The following RBPMS variants were observed in gnomAD, a reference collection of about 807,000 sequenced individuals.
The protein encoded by RBPMS is RNA-binding protein with multiple splicing.
In RBPMS, 7 loss-of-function variants were observed where a neutral mutation model predicts 26.8. The observed-to-expected ratio is 0.26, with a 90% CI of 0.15 to 0.49. RBPMS has a LOEUF of 0.49. Among genes scored for constraint, RBPMS ranks in the 20% least tolerant of loss-of-function variants. RBPMS has a pLI of 0.98. For missense variants in RBPMS, 186 were observed against 250.0 expected, an observed-to-expected ratio of 0.74 and a Z score of 1.73; for synonymous variants, 96 against 93.3, an observed-to-expected ratio of 1.03 and a Z score of -0.17.
intron 1 of RBPMS, among the ~76,000 whole-genome samples, chr8:30,450,914 CAGAT>C (rs1057090096): frequency 5.3e-5 from 8 of 151,378 alleles, no homozygotes; most frequent in African/African-American, 1.9e-4. Context: ...TGATGAAAGG[CAGAT>C]ATATATCTGG....
At chr8:30,485,898 C>T (rs1291308341) in intron 4 of RBPMS, among the ~76,000 whole-genome samples, 2 of 152,254 alleles carry the variant, frequency 1.3e-5, no homozygotes, top group East Asian at 3.9e-4. Flanking sequence ...TATAAAACCT[C>T]CCTACGATTA....
intron 6 of RBPMS, among the ~76,000 whole-genome samples, chr8:30,546,871 T>C (rs574950882): frequency 6.6e-6 from 1 of 152,294 alleles, no homozygotes; most frequent in African/African-American, 2.4e-5. Flanking sequence ...TGGAGGGAGT[T>C]ACCCACAATC....
chr8:30,484,212 T>A (rs772684933), intron 4 of RBPMS, among the ~76,000 whole-genome samples: 6 of 152,220 alleles, frequency 3.9e-5, no homozygotes, highest in Non-Finnish European at 7.3e-5. Context: ...TGTTCCTGTT[T>A]GTAAAATTAT....
At chr8:30,529,395 G>T (rs6999866) in intron 5 of RBPMS, among the ~76,000 whole-genome samples, 15 of 151,638 alleles carry the variant, frequency 9.9e-5, no homozygotes, top group Non-Finnish European at 2.2e-4. Flanking sequence ...CCAGCTACTC[G>T]GGAGACTGAG....
chr8:30,521,682 C>T (rs763924901), intron 5 of RBPMS, among the ~76,000 whole-genome samples: 4 of 150,868 alleles, frequency 2.7e-5, no homozygotes, highest in Middle Eastern at 3.4e-3. Flanking sequence ...TTGTTGCAAA[C>T]GGTAGGATCC....
At chr8:30,549,348 C>G in intron 6 of RBPMS, 2 of 674,132 alleles carry the variant, frequency 3.0e-6, no homozygotes, top group Non-Finnish European at 5.4e-6. Flanking sequence ...CTGTCTGCTC[C>G]AGAGCTGTGG....
chr8:30,538,015 T>A (rs1466231393), intron 5 of RBPMS, among the ~76,000 whole-genome samples: 1 of 152,200 alleles, frequency 6.6e-6, no homozygotes, highest in African/African-American at 2.4e-5. Flanking sequence ...GGTGTTTACA[T>A]TGGAGTAGAA....
At chr8:30,409,598 C>T (rs1052839593) in intron 1 of RBPMS, among the ~76,000 whole-genome samples, 26 of 152,144 alleles carry the variant, frequency 1.7e-4, no homozygotes, top group African/African-American at 6.0e-4. Context: ...ACTGACTTAG[C>T]ACAGTGAATA....
chr8:30,387,975 T>C (rs1018428194), intron 1 of RBPMS, among the ~76,000 whole-genome samples: 1 of 147,836 alleles, frequency 6.8e-6, no homozygotes, highest in African/African-American at 2.7e-5. Flanking sequence ...GTATTAATAC[T>C]TCTACTTTGG....
At chr8:30,444,044 G>T (rs1329835868) in intron 1 of RBPMS, among the ~76,000 whole-genome samples, 1 of 152,126 alleles carries the variant, frequency 6.6e-6, no homozygotes, top group African/African-American at 2.4e-5. Flanking sequence ...CTACAGGGGG[G>T]CACCACCATG....
At chr8:30,527,937 A>G (rs1448885858) in intron 5 of RBPMS, among the ~76,000 whole-genome samples, 1 of 152,204 alleles carries the variant, frequency 6.6e-6, no homozygotes, top group East Asian at 1.9e-4. Context: ...GCACTTCGGG[A>G]AGCCAAGGCG....
At chr8:30,453,453 A>T (rs1294577546) in intron 1 of RBPMS, among the ~76,000 whole-genome samples, 2 of 151,996 alleles carry the variant, frequency 1.3e-5, no homozygotes, top group African/African-American at 2.4e-5. Flanking sequence ...CTACTTTTCT[A>T]AAAAAAAGAA....
At chr8:30,509,210 T>C (rs1821345043) in intron 5 of RBPMS, among the ~76,000 whole-genome samples, 1 of 152,214 alleles carries the variant, frequency 6.6e-6, no homozygotes, top group Non-Finnish European at 1.5e-5. Flanking sequence ...CTTCCTACTT[T>C]CATATTCTTC....
intron 3 of RBPMS, among the ~76,000 whole-genome samples, chr8:30,478,449 A>G (rs1252723659): frequency 2.6e-5 from 4 of 152,178 alleles, no homozygotes; most frequent in African/African-American, 9.7e-5. Flanking sequence ...AGGGAGTCCA[A>G]AGGGATTATG....
chr8:30,461,383 C>T (rs1815875292), intron 1 of RBPMS, among the ~76,000 whole-genome samples: 2 of 152,068 alleles, frequency 1.3e-5, no homozygotes, highest in South Asian at 4.1e-4. Flanking sequence ...TGTAGTTTCA[C>T]ATACAGTGTG....
At chr8:30,460,103 G>C (rs1365983789) in intron 1 of RBPMS, among the ~76,000 whole-genome samples, 1 of 152,208 alleles carries the variant, frequency 6.6e-6, no homozygotes, top group Non-Finnish European at 1.5e-5. Context: ...TATGTCTTTG[G>C]TGGAGAGTAC....
At chr8:30,442,277 C>G (rs1192301785) in intron 1 of RBPMS, among the ~76,000 whole-genome samples, 1 of 152,088 alleles carries the variant, frequency 6.6e-6, no homozygotes, top group Non-Finnish European at 1.5e-5. Context: ...CAAACTTAAG[C>G]CAAAATATGA....
At chr8:30,505,710 G>A (rs1821007029) in intron 5 of RBPMS, among the ~76,000 whole-genome samples, 1 of 152,070 alleles carries the variant, frequency 6.6e-6, no homozygotes, top group Admixed American at 6.6e-5. Flanking sequence ...CATCCTTATA[G>A]TATCTAGCTT....
chr8:30,528,809 T>G (rs1171458647), intron 5 of RBPMS, among the ~76,000 whole-genome samples: 3 of 151,888 alleles, frequency 2.0e-5, no homozygotes, highest in Non-Finnish European at 2.9e-5. Flanking sequence ...AGGTGGGGGT[T>G]TTTTGGTTTG....
Sources: allele counts gnomAD v4.1 joint callset (sites outside exome capture counted in the v4.1 genomes callset), GRCh38; gene constraint gnomAD v4.1.1; transcripts MANE v1.5; gene names NCBI Gene and HGNC (gene_info 2026-07-23, HGNC 2026-07-21).